SYN3: variants seen among roughly 807,000 people sequenced by gnomAD.
The protein encoded by SYN3 is synapsin III, also known as synapsin-3.
SYN3 carries 35 observed loss-of-function variants against 65.8 expected under a neutral mutation model. The observed-to-expected ratio is 0.53, with a 90% CI of 0.41 to 0.70. SYN3 has a LOEUF of 0.70. Among genes scored for constraint, SYN3 ranks in the 30% least tolerant of loss-of-function variants. The probability of loss-of-function intolerance (pLI) is 0.00; values close to 1 mark genes in which losing one functional copy is unlikely to be tolerated. For synonymous variants in SYN3, 270 were observed against 292.9 expected (o/e 0.92, Z 0.80); for missense variants, 680 against 749.0 (o/e 0.91, Z 1.08).
At chr22:32,739,918 G>A (rs928784935) in intron 6 of SYN3, among the ~76,000 whole-genome samples, 4 of 152,208 alleles carry the variant, frequency 2.6e-5, no homozygotes, top group African/African-American at 9.6e-5. Flanking sequence ...TAGTCCTGCT[G>A]CACCCCCTAC....
At chr22:32,855,232 G>A (rs1446444242) in intron 6 of SYN3, among the ~76,000 whole-genome samples, 1 of 152,108 alleles carries the variant, frequency 6.6e-6, no homozygotes, top group South Asian at 2.1e-4. Flanking sequence ...TCACAGTATC[G>A]CCTTGGCACA....
intron 1 of SYN3, among the ~76,000 whole-genome samples, chr22:33,030,654 T>C (rs1355651578): frequency 7.3e-6 from 1 of 137,544 alleles, no homozygotes; most frequent in South Asian, 2.4e-4. Context: ...TAGAGACTGA[T>C]AGAGACAGAG....
chr22:32,672,438 G>A (rs969878668), intron 6 of SYN3, among the ~76,000 whole-genome samples: 11 of 152,366 alleles, frequency 7.2e-5, no homozygotes, highest in Non-Finnish European at 1.3e-4. Flanking sequence ...AAACTGATGT[G>A]TGGGGCTGCA....
chr22:33,003,579 G>A (rs969112365), intron 2 of SYN3, among the ~76,000 whole-genome samples: 1 of 152,184 alleles, frequency 6.6e-6, no homozygotes, highest in Non-Finnish European at 1.5e-5. Context: ...GTGGAACTTT[G>A]AACTTGAGAG....
At chr22:32,572,687 A>G (rs1456346046) in intron 7 of SYN3, among the ~76,000 whole-genome samples, 1 of 151,628 alleles carries the variant, frequency 6.6e-6, no homozygotes, top group Non-Finnish European at 1.5e-5. Context: ...GGCTCAAGCA[A>G]TCCTCCTGCC....
chr22:32,709,312 C>A (rs770815978), intron 6 of SYN3, among the ~76,000 whole-genome samples: 4 of 152,200 alleles, frequency 2.6e-5, no homozygotes, highest in Non-Finnish European at 5.9e-5. Context: ...AGAATAGGAA[C>A]CAATGGCTCA....
chr22:32,564,620 C>T (rs2058633719), intron 7 of SYN3, among the ~76,000 whole-genome samples: 1 of 151,774 alleles, frequency 6.6e-6, no homozygotes, highest in African/African-American at 2.4e-5. Flanking sequence ...AAGCAGTACT[C>T]CCAGAATGCA....
chr22:32,887,639 T>C (rs2049330256), intron 4 of SYN3, among the ~76,000 whole-genome samples: 1 of 152,192 alleles, frequency 6.6e-6, no homozygotes, highest in Admixed American at 6.5e-5. Context: ...ATGTGTTGTT[T>C]GAAGCTGATA....
intron 7 of SYN3, among the ~76,000 whole-genome samples, chr22:32,591,501 C>A (rs568114639): frequency 6.6e-6 from 1 of 152,184 alleles, no homozygotes; most frequent in Non-Finnish European, 1.5e-5. Flanking sequence ...AGAAGTTCTG[C>A]GCTAAAAGCT....
At chr22:32,558,412 G>A (rs552559008) in intron 7 of SYN3, among the ~76,000 whole-genome samples, 9 of 152,354 alleles carry the variant, frequency 5.9e-5, no homozygotes, top group African/African-American at 2.2e-4. Context: ...GAGATGCGAA[G>A]AACTTGCCTG....
At chr22:32,712,250 T>G (rs1479275787) in intron 6 of SYN3, among the ~76,000 whole-genome samples, 1 of 152,234 alleles carries the variant, frequency 6.6e-6, no homozygotes, top group Non-Finnish European at 1.5e-5. Context: ...AAGGCTACCC[T>G]GACTGTCTCA....
intron 9 of SYN3, among the ~76,000 whole-genome samples, chr22:32,534,572 G>A (rs1036219189): frequency 6.6e-6 from 1 of 152,234 alleles, no homozygotes; most frequent in Admixed American, 6.5e-5. Context: ...ACAGATCTCA[G>A]CACTGGACTC....
At chr22:32,663,508 C>T (rs1310380828) in intron 6 of SYN3, among the ~76,000 whole-genome samples, 1 of 152,048 alleles carries the variant, frequency 6.6e-6, no homozygotes, top group Non-Finnish European at 1.5e-5. Context: ...CCGTGTTAGC[C>T]AGCATGGTCT....
chr22:33,001,811 G>A (rs1270430047), intron 2 of SYN3, among the ~76,000 whole-genome samples: 1 of 152,192 alleles, frequency 6.6e-6, no homozygotes, highest in Admixed American at 6.5e-5. Flanking sequence ...TCACTTCAGG[G>A]TAGAGATGGA....
At chr22:32,987,554 A>G (rs939027631) in intron 2 of SYN3, among the ~76,000 whole-genome samples, 6 of 152,168 alleles carry the variant, frequency 3.9e-5, no homozygotes, top group African/African-American at 1.4e-4. Flanking sequence ...GCAAGGTCCA[A>G]TGAACTAGGA....
chr22:32,965,562 G>A (rs2051808009), intron 3 of SYN3, among the ~76,000 whole-genome samples: 1 of 151,930 alleles, frequency 6.6e-6, no homozygotes, highest in South Asian at 2.1e-4. Context: ...GTGTGTGTGT[G>A]TGTGTGTGTG....
intron 4 of SYN3, among the ~76,000 whole-genome samples, chr22:32,922,038 G>A (rs977700921): frequency 1.3e-5 from 2 of 152,200 alleles, no homozygotes; most frequent in Non-Finnish European, 2.9e-5. Context: ...GACCATCTAT[G>A]ATGGGCACTT....
chr22:32,627,712 T>C (rs1348442653), intron 6 of SYN3, among the ~76,000 whole-genome samples: 2 of 151,046 alleles, frequency 1.3e-5, no homozygotes, highest in African/African-American at 2.5e-5. Context: ...CCCATACTTA[T>C]AGAAAGATCC....
intron 6 of SYN3, among the ~76,000 whole-genome samples, chr22:32,644,263 G>T (rs1379142223): frequency 6.6e-6 from 1 of 152,024 alleles, no homozygotes; most frequent in Admixed American, 6.6e-5. Context: ...TACCCTTTGG[G>T]GAGCCTGAAG....
Sources: gnomAD v4.1 joint callset for allele counts (sites outside exome capture counted in the v4.1 genomes callset) on GRCh38, gnomAD v4.1.1 for gene constraint, MANE v1.5 for transcripts, NCBI Gene and HGNC (gene_info 2026-07-23, HGNC 2026-07-21) for gene names.